The following PRKCA variants were observed in gnomAD, a reference collection of about 807,000 sequenced individuals.
PRKCA encodes protein kinase C alpha type.
In PRKCA, 27 loss-of-function variants were observed where a neutral mutation model predicts 87.0. The observed-to-expected ratio is 0.31, with a 90% CI of 0.23 to 0.43. PRKCA has a LOEUF of 0.43. PRKCA is among the 20% of genes least tolerant of loss of function. The probability of loss-of-function intolerance (pLI) is 1.00; values close to 1 mark genes in which losing one functional copy is unlikely to be tolerated. For missense variants in PRKCA, 518 were observed against 852.3 expected, an observed-to-expected ratio of 0.61 and a Z score of 4.88; for synonymous variants, 329 against 311.1, an observed-to-expected ratio of 1.06 and a Z score of -0.61.
intron 13 of PRKCA, among the ~76,000 whole-genome samples, chr17:66,748,849 G>A (rs906166289): frequency 1.3e-5 from 2 of 152,072 alleles, no homozygotes; most frequent in Admixed American, 6.5e-5. Context: ...GGGAAGGAGG[G>A]AGGGAGAAAG....
At chr17:66,554,429 G>A (rs780680890) in intron 3 of PRKCA, 31 of 492,376 alleles carry the variant, frequency 6.3e-5, no homozygotes, top group Non-Finnish European at 7.9e-5. Flanking sequence ...GCTATGACAC[G>A]TTTCTTGTTC....
intron 3 of PRKCA, among the ~76,000 whole-genome samples, chr17:66,584,454 G>A (rs1268107148): frequency 6.6e-6 from 1 of 152,136 alleles, no homozygotes; most frequent in Non-Finnish European, 1.5e-5. Flanking sequence ...TTGACCTCCA[G>A]ACCTCAGGTG....
At chr17:66,541,618 G>C (rs903262128) in intron 3 of PRKCA, among the ~76,000 whole-genome samples, 14 of 152,222 alleles carry the variant, frequency 9.2e-5, no homozygotes, top group African/African-American at 3.1e-4. Flanking sequence ...CAGAGCTGAC[G>C]TCCAGTCCAC....
Position 66,729,780 on chromosome 17 carries a change from CTTTTT to C in PRKCA, c.919-2891_919-2887del, listed in dbSNP as rs60247180. Among the ~76,000 whole-genome samples, 42 of 105,074 alleles carry C rather than the reference CTTTTT, an allele frequency of 4.0e-4. No homozygotes were observed. In the South Asian group the frequency reaches 9.1e-3, roughly 23 times the overall value. 68.9% of individuals were successfully genotyped at this position (105,074 alleles called of 152,430 possible). On this transcript the variant is annotated intron_variant, in intron 8 of 16. Transcript: ENST00000413366. Reference sequence around the variant, plus strand: ...TTGATCCCTGTATGAGCGAGTTATTCTTTTTTTTTTTTTTTTTTTTTCTGAGACAG... The same window carrying C: ...TTGATCCCTGTATGAGCGAGTTATTCTTTTTTTTTTTTTTTTCTGAGACAG...
At chr17:66,509,084 G>A (rs1435076487) in intron 3 of PRKCA, among the ~76,000 whole-genome samples, 1 of 152,086 alleles carries the variant, frequency 6.6e-6, no homozygotes, top group Non-Finnish European at 1.5e-5. Context: ...CCCTGGCGCT[G>A]TGTTTCCCAG....
At chr17:66,522,438 G>T (rs191059380) in intron 3 of PRKCA, among the ~76,000 whole-genome samples, 2 of 152,192 alleles carry the variant, frequency 1.3e-5, no homozygotes, top group African/African-American at 4.8e-5. Context: ...AGAATAGGCA[G>T]GGGGAAGAGG....
At chr17:66,443,635 C>T (rs1913882993) in intron 2 of PRKCA, among the ~76,000 whole-genome samples, 1 of 152,158 alleles carries the variant, frequency 6.6e-6, no homozygotes, top group Non-Finnish European at 1.5e-5. Context: ...GTGCTGCCTG[C>T]CCTGAAACGG....
chr17:66,649,133 A>G (rs1012497059), intron 5 of PRKCA, among the ~76,000 whole-genome samples: 3 of 151,912 alleles, frequency 2.0e-5, no homozygotes, highest in Middle Eastern at 3.4e-3. Flanking sequence ...AAAAATAGGT[A>G]CCCGCATTAG....
chr17:66,593,204 A>G (rs1598800979), intron 3 of PRKCA, among the ~76,000 whole-genome samples: 1 of 152,236 alleles, frequency 6.6e-6, no homozygotes, highest in Non-Finnish European at 1.5e-5. Flanking sequence ...ATTAGTGGCT[A>G]AGGAAAGAGA....
intron 1 of PRKCA, among the ~76,000 whole-genome samples, chr17:66,305,791 AGT>A (rs1421426430): frequency 6.6e-6 from 1 of 152,198 alleles, no homozygotes; most frequent in Non-Finnish European, 1.5e-5. Context: ...GTAGCCAACA[AGT>A]TTGAATATAC....
intron 2 of PRKCA, among the ~76,000 whole-genome samples, chr17:66,390,214 C>A (rs969723424): frequency 5.1e-5 from 6 of 116,724 alleles, no homozygotes; most frequent in Non-Finnish European, 7.3e-5. Context: ...AAGAGTGAAA[C>A]TCAGTCTCAA....
intron 2 of PRKCA, among the ~76,000 whole-genome samples, chr17:66,470,425 A>C (rs892064075): frequency 6.6e-6 from 1 of 151,356 alleles, no homozygotes. Flanking sequence ...ACGGGGTTTC[A>C]CCATGTTGGC....
chr17:66,661,982 A>G (rs1971918730), intron 5 of PRKCA, among the ~76,000 whole-genome samples: 1 of 152,184 alleles, frequency 6.6e-6, no homozygotes, highest in Non-Finnish European at 1.5e-5. Flanking sequence ...TTCTTTCACG[A>G]GGAATTCCTA....
At chr17:66,326,088 T>C (rs972839399) in intron 2 of PRKCA, among the ~76,000 whole-genome samples, 5 of 152,212 alleles carry the variant, frequency 3.3e-5, no homozygotes, top group Non-Finnish European at 7.3e-5. Context: ...AGGCACTTTA[T>C]GTAGATATCT....
chr17:66,365,475 T>C (rs1479055685), intron 2 of PRKCA, among the ~76,000 whole-genome samples: 2 of 152,184 alleles, frequency 1.3e-5, no homozygotes, highest in African/African-American at 4.8e-5. Flanking sequence ...GCCTGAGATA[T>C]GTTTGACCCA....
chr17:66,648,263 C>T (rs935257545), intron 5 of PRKCA, among the ~76,000 whole-genome samples: 2 of 152,240 alleles, frequency 1.3e-5, no homozygotes, highest in Non-Finnish European at 2.9e-5. Context: ...CCTCTTAATA[C>T]TATCACACCG....
At chr17:66,400,610 T>C (rs1040958485) in intron 2 of PRKCA, among the ~76,000 whole-genome samples, 2 of 152,252 alleles carry the variant, frequency 1.3e-5, no homozygotes, top group Non-Finnish European at 2.9e-5. Flanking sequence ...TCTGAGACCC[T>C]GCTTTCAATT....
chr17:66,354,855 G>A, intron 2 of PRKCA, among the ~76,000 whole-genome samples: 1 of 152,020 alleles, frequency 6.6e-6, no homozygotes, highest in Non-Finnish European at 1.5e-5. Context: ...TTATGCTTTT[G>A]CCTTTTTGTG....
intron 2 of PRKCA, among the ~76,000 whole-genome samples, chr17:66,345,837 G>A (rs546260633): frequency 6.6e-6 from 1 of 152,244 alleles, no homozygotes; most frequent in Admixed American, 6.5e-5. Context: ...GGAATTTATA[G>A]CCCTAATAAA....
Sources: allele counts gnomAD v4.1 joint callset (sites outside exome capture counted in the v4.1 genomes callset), GRCh38; gene constraint gnomAD v4.1.1; transcripts MANE v1.5; gene names NCBI Gene and HGNC (gene_info 2026-07-23, HGNC 2026-07-21).